Variants in WDR6 observed in about 807,000 individuals in gnomAD.
WDR6 encodes WD repeat domain 6.
A neutral mutation model predicts 85.6 loss-of-function variants in WDR6; 58 were observed. The observed-to-expected ratio is 0.68, with a 90% CI of 0.55 to 0.84. WDR6 has a LOEUF of 0.84. WDR6 is among the 40% of genes least tolerant of loss of function. The pLI is 0.00. For synonymous variants in WDR6, 569 were observed against 582.2 expected (o/e 0.98, Z 0.33); for missense variants, 1,310 against 1,476.4 (o/e 0.89, Z 1.85).
In WDR6 at chr3:49,011,832, G is replaced by A; in HGVS notation, c.298G>A (p.Gly100Arg). Residue 100 changes from glycine (G) to arginine (R), a missense_variant, in exon 2 of 6, where the codon GGA (glycine) becomes AGA (arginine). By Grantham distance (125) the Gly-to-Arg change is moderately radical. Transcript: ENST00000608424. ...KGLRVVKISW[G>R]QGHFWELWRS... The stretch of plus-strand genomic sequence containing the variant: ...ACTCCGAGTTGTGAAAATTAGCTGG[G>A]GACAGGGCCACTTCTGGGAGCTTTG... The A allele has an allele frequency of 6.2e-7, 1 of 1,614,208 alleles. No individual in the cohort carries two copies. Among genetic ancestry groups the A allele is most frequent in the Non-Finnish European group, 8.5e-7 (1 of 1,180,044 alleles).
chr3:49,007,673 C>T lies in WDR6; in HGVS notation c.100+142C>T. On this transcript the variant is annotated intron_variant, in intron 1 of 5. Coordinates refer to ENST00000608424, the MANE Select transcript of WDR6 (RefSeq NM_018031.6). This position sits in a 1 kb window ranked among gnomAD's most constrained non-coding sequence, Gnocchi z 5.1. Reference sequence around the variant, plus strand: ...GGCCGATCGGAGGTGGGAAGGGAGCCCCGGAGATGGCGGGGACGAGGGCCA... The same window carrying T: ...GGCCGATCGGAGGTGGGAAGGGAGCTCCGGAGATGGCGGGGACGAGGGCCA... The T allele has an allele frequency of 5.2e-6, 7 of 1,335,254 alleles. No homozygotes were observed. Among genetic ancestry groups the T allele is most frequent in the Non-Finnish European group, 3.9e-6 (4 of 1,038,436 alleles). 82.7% of individuals were successfully genotyped at this position (1,335,254 alleles called of 1,614,324 possible). A position where few individuals can be genotyped will look rare whatever the true frequency, so the allele number is the denominator to read the frequency against.
At position 49,014,372 on chromosome 3, in the gene WDR6, C is replaced by T; in HGVS notation, c.2667-11C>T. ...GATGCGTTCTGAGCTGGGCCACCCCCCGCCCCCCAGGCTCTTTCTTTTGCA... is the reference window on the plus strand; with the variant it reads ...GATGCGTTCTGAGCTGGGCCACCCCTCGCCCCCCAGGCTCTTTCTTTTGCA... On this transcript the variant is annotated splice_polypyrimidine_tract_variant and intron_variant, in intron 3 of 5. Transcript: ENST00000608424. The surrounding 1 kb of genome is among the most constrained non-coding windows in gnomAD (Gnocchi z 4.9). 6.2e-7 allele frequency: 1 copy of T among 1,614,080 alleles called. No individual in the cohort carries two copies. The highest frequency in any genetic ancestry group is 8.5e-7 in the Non-Finnish European group (1 of 1,179,994).
chr3:49,015,168 T>A lies in WDR6; in HGVS notation c.3246T>A (p.Asn1082Lys). 6.2e-7 allele frequency: 1 copy of A among 1,613,942 alleles called. No homozygotes were observed. The highest frequency in any genetic ancestry group is 8.5e-7 in the Non-Finnish European group (1 of 1,180,020). The change falls in exon 6 of 6, where the codon AAT becomes AAA. Residue 1082 changes from asparagine (N) to lysine (K), a missense_variant. Coordinates refer to ENST00000608424, the MANE Select transcript of WDR6 (RefSeq NM_018031.6). ...GGCATGGTGAACCCACCTTCATGAA[T>A]AGCACTGTGTTCCATGTGCCTGATG... is the stretch of plus-strand genomic sequence containing the variant. ...RLGHGEPTFMNSTVFHVPDVA... is the reference protein window; with the variant it reads ...RLGHGEPTFMKSTVFHVPDVA...
At chr3:49,009,323 C>T (rs1450933745) in intron 1 of WDR6, among the ~76,000 whole-genome samples, 15 of 124,498 alleles carry the variant, frequency 1.2e-4, no homozygotes, top group African/African-American at 3.9e-4. Context: ...CCCCCCCCCC[C>T]CGCCCCAACA....
rs780448380 is a variant in WDR6 at position 49,013,393 on chromosome 3, G to A, written c.1859G>A (p.Arg620His). 1.9e-5 allele frequency: 30 copies of A among 1,614,046 alleles called. No homozygotes were observed. Among genetic ancestry groups the A allele is most frequent in the Admixed American group, 1.0e-4 (6 of 60,004 alleles). ...CRGMNWLAGL[R>H]IVPDGSMVIL... Reference sequence around the variant, plus strand: ...GGCATGAACTGGCTAGCTGGGCTCCGTATAGTGCCCGATGGGAGCATGGTT... The same window carrying A: ...GGCATGAACTGGCTAGCTGGGCTCCATATAGTGCCCGATGGGAGCATGGTT... The change falls in exon 2 of 6, where the codon CGT becomes CAT. Residue 620 changes from arginine (R) to histidine (H), a missense_variant. Transcript: ENST00000608424. The surrounding 1 kb of genome is among the most constrained non-coding windows in gnomAD (Gnocchi z 4.6).
Position 49,013,481 on chromosome 3 carries a change from C to T in WDR6, c.1947C>T (p.His649=). Residue 649 remains histidine (H), a synonymous_variant, in exon 2 of 6, where the codon CAC becomes CAT. Transcript: ENST00000608424. The surrounding 1 kb of genome is among the most constrained non-coding windows in gnomAD (Gnocchi z 4.6). ...ACCCTCGGTCACACGAGAAGCTGCA[C>T]ATCGTCAACTGTGGTGGAGGGCACC... ...VWNPRSHEKL[H]IVNCGGGHRS... 6.2e-7 allele frequency: 1 copy of T among 1,614,118 alleles called. No homozygotes were observed. The highest frequency in any genetic ancestry group is 2.2e-5 in the East Asian group (1 of 44,884).
Position 49,014,708 on chromosome 3 carries a change from G to T in WDR6, c.2892G>T (p.Gly964=). 1 of 1,613,068 alleles carries T rather than the reference G, an allele frequency of 6.2e-7. No individual in the cohort carries two copies. Residue 964 remains glycine, a synonymous_variant, in exon 5 of 6, where the codon GGG becomes GGT. Coordinates refer to ENST00000608424, the MANE Select transcript of WDR6 (RefSeq NM_018031.6). This position sits in a 1 kb window ranked among gnomAD's most constrained non-coding sequence, Gnocchi z 4.9. ...STVLEPPVDP[G]LPYRLGTPSL... ...TCCTGGAGCCTCCAGTGGATCCTGG[G>T]CTTCCCTACCGTGAGTAGCTAATGT...
In WDR6 at chr3:49,007,427, T is replaced by TCGACATGGACGCTCTCGAGGAC; in HGVS notation, c.-4_18dup. 6.2e-7 allele frequency: 1 copy of TCGACATGGACGCTCTCGAGGAC among 1,609,754 alleles called. No homozygotes were observed. Among genetic ancestry groups the TCGACATGGACGCTCTCGAGGAC allele is most frequent in the Non-Finnish European group, 8.5e-7 (1 of 1,178,358 alleles). On this transcript the variant is annotated 5_prime_UTR_variant, in exon 1 of 6. In the 5' UTR this introduces an upstream ATG that the reference lacks. Transcript: ENST00000608424. The surrounding 1 kb of genome is among the most constrained non-coding windows in gnomAD (Gnocchi z 5.1). The stretch of plus-strand genomic sequence containing the variant: ...CGTGGCTGCCTCAGCACCTCGAGGA[T>TCGACATGGACGCTCTCGAGGAC]CGACATGGACGCTCTCGAGGACTAC...
At position 49,014,432 on chromosome 3, in the gene WDR6, A is replaced by T. The variant is rs757474945; in HGVS notation, c.2716A>T (p.Thr906Ser). 6.2e-7 allele frequency: 1 copy of T among 1,614,080 alleles called. No individual in the cohort carries two copies. Among genetic ancestry groups the T allele is most frequent in the South Asian group, 1.1e-5 (1 of 91,082 alleles). Residue 906 changes from threonine (T) to serine (S), a missense_variant, in exon 4 of 6, where the codon ACC becomes TCC. Coordinates refer to ENST00000608424, the MANE Select transcript of WDR6 (RefSeq NM_018031.6). The surrounding 1 kb of genome is among the most constrained non-coding windows in gnomAD (Gnocchi z 4.9). The stretch of plus-strand genomic sequence containing the variant: ...GCGGATTCTGCAGCTCCTTGCTGAA[A>T]CCTTCCACCATAAGCGATGTGTCCT... The part of the protein sequence containing the change: ...SGRILQLLAE[T>S]FHHKRCVLKV...
Position 49,012,066 on chromosome 3 carries a change from G to A in WDR6, c.532G>A (p.Gly178Ser). Residue 178 changes from glycine to serine, a missense_variant, in exon 2 of 6, where the codon GGT becomes AGT. By Grantham distance (56) the Gly-to-Ser change is moderately conservative. Transcript: ENST00000608424. This position sits in a 1 kb window ranked among gnomAD's most constrained non-coding sequence, Gnocchi z 4.4. ...CTGGAAGGAGCTGACCATAGTGGCAGGTGCTGTTTCCAACCAGCTCTTGGT... is the reference window on the plus strand; with the variant it reads ...CTGGAAGGAGCTGACCATAGTGGCAAGTGCTGTTTCCAACCAGCTCTTGGT... ...DAWKELTIVA[G>S]AVSNQLLVWY... 1 of 1,613,904 alleles carries A rather than the reference G, an allele frequency of 6.2e-7. No homozygotes were observed. The highest frequency in any genetic ancestry group is 8.5e-7 in the Non-Finnish European group (1 of 1,180,012).
At position 49,015,701 on chromosome 3, in the gene WDR6, G is replaced by A. The variant is rs1002462876; in HGVS notation, c.*413G>A. 26 of 1,613,932 alleles carry A rather than the reference G, an allele frequency of 1.6e-5. No homozygotes were observed. Among genetic ancestry groups the A allele is most frequent in the East Asian group, 2.2e-5 (1 of 44,888 alleles). On this transcript the variant is annotated 3_prime_UTR_variant, in exon 6 of 6. Transcript: ENST00000608424. ...AACATCTGACCAAAGAGGTGTGGTC[G>A]AGGCTCCTGAAAGAGAAAGGGCCTG...
chr3:49,011,851 A>G lies in WDR6; in HGVS notation c.317A>G (p.Glu106Gly), dbSNP rs770888810. 1.2e-6 allele frequency: 2 copies of G among 1,614,018 alleles called. No homozygotes were observed. Among genetic ancestry groups the G allele is most frequent in the Admixed American group, 3.3e-5 (2 of 60,004 alleles). ...KISWGQGHFW[E>G]LWRSGLWNMS... is the part of the protein sequence containing the mutation. ...AGCTGGGGACAGGGCCACTTCTGGG[A>G]GCTTTGGCGCTCTGGCCTGTGGAAC... Residue 106 changes from glutamate (E) to glycine (G), a missense_variant, in exon 2 of 6, where the codon GAG (glutamate) becomes GGG (glycine). Glu to Gly is a moderately conservative substitution (Grantham distance 98). Transcript: ENST00000608424.
chr3:49,015,079 A>T lies in WDR6; in HGVS notation c.3157A>T (p.Ile1053Phe). 6.2e-6 allele frequency: 10 copies of T among 1,614,096 alleles called. No individual in the cohort carries two copies. The highest frequency in any genetic ancestry group is 8.5e-6 in the Non-Finnish European group (10 of 1,180,026). The change falls in exon 6 of 6, where the codon ATC becomes TTC. Residue 1053 changes from isoleucine (I) to phenylalanine (F), a missense_variant. Physicochemically the swap from Ile to Phe is conservative, Grantham distance 21 (BLOSUM62 0). Coordinates refer to ENST00000608424, the MANE Select transcript of WDR6 (RefSeq NM_018031.6). Reference protein sequence around the residue: ...AHAAHVTGLKILSPSIMVSAS... With the variant: ...AHAAHVTGLKFLSPSIMVSAS... ...TGCTGCCCATGTGACAGGCCTCAAG[A>T]TCCTAAGCCCAAGCATCATGGTCTC...
In WDR6 at chr3:49,012,532, G is replaced by A. The variant is rs755358476; in HGVS notation, c.998G>A (p.Arg333Gln). The A allele has an allele frequency of 5.3e-5, 86 of 1,613,892 alleles. No individual in the cohort carries two copies. The highest frequency in any genetic ancestry group is 1.7e-4 in the Admixed American group (10 of 59,992). The change falls in exon 2 of 6, where the codon CGG (arginine) becomes CAG (glutamine). Residue 333 changes from arginine (R) to glutamine (Q), a missense_variant. By Grantham distance (43) the Arg-to-Gln change is conservative. Transcript: ENST00000608424. The surrounding 1 kb of genome is among the most constrained non-coding windows in gnomAD (Gnocchi z 4.4). ...RLWHLVGRGY[R>Q]GLGVSALCFK... ...TGGCACTTGGTAGGGCGTGGGTACC[G>A]GGGATTGGGGGTCTCGGCTCTCTGC...
At position 49,015,048 on chromosome 3, in the gene WDR6, T is replaced by C; in HGVS notation, c.3126T>C (p.Cys1042=). 8 of 1,614,156 alleles carry C rather than the reference T, an allele frequency of 5.0e-6. No homozygotes were observed. The Admixed American group carries it at 1.2e-4, about 24-fold the overall frequency. ...TGCTAGAGGAATACTCTGTCCCCTG[T>C]GCACATGCTGCCCATGTGACAGGCC... is the stretch of plus-strand genomic sequence containing the variant. ...LRVLEEYSVP[C]AHAAHVTGLK... is the part of the protein sequence containing the mutation. Residue 1042 remains cysteine, a synonymous_variant, in exon 6 of 6, where the codon TGT becomes TGC. Transcript: ENST00000608424.
chr3:49,013,948 C>T lies in WDR6; in HGVS notation c.2414C>T (p.Ala805Val), dbSNP rs757123587. 26 of 1,612,110 alleles carry T rather than the reference C, an allele frequency of 1.6e-5. No individual in the cohort carries two copies. Among genetic ancestry groups the T allele is most frequent in the East Asian group, 6.7e-5 (3 of 44,892 alleles). ...GGCCTGACTGCCCATGTGGTGTCTG[C>T]GGGGGGGCGGGCTGAGATGCACTGC... ...QPGLTAHVVS[A>V]GGRAEMHCFS... Residue 805 changes from alanine to valine, a missense_variant, in exon 2 of 6, where the codon GCG (alanine) becomes GTG (valine). By Grantham distance (64) the Ala-to-Val change is moderately conservative. Coordinates refer to ENST00000608424, the MANE Select transcript of WDR6 (RefSeq NM_018031.6). The surrounding 1 kb of genome is among the most constrained non-coding windows in gnomAD (Gnocchi z 4.6).
At position 49,007,524 on chromosome 3, in the gene WDR6, G is replaced by A. The variant is rs761886035; in HGVS notation, c.93G>A (p.Leu31=). The A allele has an allele frequency of 6.3e-7, 1 of 1,595,664 alleles. No homozygotes were observed. Among genetic ancestry groups the A allele is most frequent in the Admixed American group, 1.7e-5 (1 of 59,328 alleles). Residue 31 remains leucine (L), a synonymous_variant, in exon 1 of 6, where the codon CTG becomes CTA. Coordinates refer to ENST00000608424, the MANE Select transcript of WDR6 (RefSeq NM_018031.6). This position sits in a 1 kb window ranked among gnomAD's most constrained non-coding sequence, Gnocchi z 5.1. ...VTGLECVGDR[L]LAGEGPDVLV... ...GTCTGGAGTGCGTGGGGGACCGGCT[G>A]TTGGCGGGTGAGGCTTGGCTTGAGG...
chr3:49,010,532 A>G (rs958849659), intron 1 of WDR6, among the ~76,000 whole-genome samples: 1 of 152,128 alleles, frequency 6.6e-6, no homozygotes, highest in African/African-American at 2.4e-5. Flanking sequence ...CGTGGCCAAC[A>G]TGGTGAAACC....
chr3:49,009,176 C>G (rs1020696592), intron 1 of WDR6, among the ~76,000 whole-genome samples: 1 of 152,128 alleles, frequency 6.6e-6, no homozygotes. Flanking sequence ...GCCACCATAC[C>G]CGGCCTCTCT....
Sources: allele counts gnomAD v4.1 joint callset (sites outside exome capture counted in the v4.1 genomes callset), GRCh38; gene constraint gnomAD v4.1.1; non-coding constraint Gnocchi (gnomAD v3.1); transcripts MANE v1.5; gene names NCBI Gene and HGNC (gene_info 2026-07-23, HGNC 2026-07-21).